The following ARFGEF3 variants were observed in gnomAD, a reference collection of about 807,000 sequenced individuals.
ARFGEF3 encodes brefeldin A-inhibited guanine nucleotide-exchange protein 3.
A neutral mutation model predicts 221.7 loss-of-function variants in ARFGEF3; 96 were observed. The observed-to-expected ratio is 0.43, with a 90% confidence interval of 0.37 to 0.51. ARFGEF3 has a LOEUF of 0.51. Ranked by LOEUF, ARFGEF3 falls within the 20% of genes least tolerant of loss-of-function variation. The pLI, the probability that ARFGEF3 is intolerant of heterozygous loss-of-function variation, is 0.00. For synonymous variants in ARFGEF3, 1,145 were observed against 1,126.8 expected (o/e 1.02, Z -0.32); for missense variants, 2,410 against 2,789.9 (o/e 0.86, Z 3.07).
chr6:138,290,487 A>G (rs2064212), intron 18 of ARFGEF3, among the ~76,000 whole-genome samples: 52,948 of 152,144 alleles, frequency 0.35, 9,878 homozygotes, highest in East Asian at 0.7. Flanking sequence ...CCAAAAATTT[A>G]GCTCTAAGCA....
At chr6:138,307,226 A>G (rs369974053) in intron 22 of ARFGEF3, 27 bp from the exon 23 acceptor site, 8 of 1,610,040 alleles carry the variant, frequency 5.0e-6, no homozygotes, top group Non-Finnish European at 6.8e-6. Flanking sequence ...AGAGGGCTTT[A>G]AGTGCCACTT....
In ARFGEF3 at chr6:138,335,136, C is replaced by T; in HGVS notation, c.6290C>T (p.Ser2097Phe). Residue 2097 changes from serine to phenylalanine, a missense_variant, in exon 33 of 34, where the codon TCC becomes TTC. Coordinates refer to ENST00000251691, the MANE Select transcript of ARFGEF3 (RefSeq NM_020340.5). Reference sequence around the variant, plus strand: ...CAGGACAAGAGGCCCCGCTCAGGCTCCACCGGGAGCTCCCTCAGTGTCTCG... The same window carrying T: ...CAGGACAAGAGGCCCCGCTCAGGCTTCACCGGGAGCTCCCTCAGTGTCTCG... ...LRQDKRPRSG[S>F]TGSSLSVSVR... The T allele has an allele frequency of 1.3e-6, 2 of 1,590,932 alleles. No homozygotes were observed. Among genetic ancestry groups the T allele is most frequent in the Non-Finnish European group, 1.7e-6 (2 of 1,171,622 alleles).
chr6:138,304,725 A>G (rs1779689781), intron 22 of ARFGEF3, among the ~76,000 whole-genome samples: 1 of 152,196 alleles, frequency 6.6e-6, no homozygotes, highest in Non-Finnish European at 1.5e-5. Flanking sequence ...ACTATAAGTG[A>G]TTTGTGAAAT....
chr6:138,309,975 G>C (rs1344373321), intron 24 of ARFGEF3, among the ~76,000 whole-genome samples: 2 of 152,190 alleles, frequency 1.3e-5, no homozygotes, highest in East Asian at 3.8e-4. Context: ...CTCTATCAGT[G>C]ATCTGGGTCT....
chr6:138,214,665 GAAAAT>G (rs1280388746), intron 4 of ARFGEF3, among the ~76,000 whole-genome samples: 1 of 152,152 alleles, frequency 6.6e-6, no homozygotes, highest in African/African-American at 2.4e-5. Context: ...TTTCTGGAAA[GAAAAT>G]AATATAGTTT....
Position 138,262,687 on chromosome 6 carries a change from T to C in ARFGEF3, c.1218-14T>C. The C allele has an allele frequency of 6.3e-6, 10 of 1,577,190 alleles. No individual in the cohort carries two copies. The highest frequency in any genetic ancestry group is 8.6e-6 in the Non-Finnish European group (10 of 1,157,080). On this transcript the variant is annotated splice_polypyrimidine_tract_variant and intron_variant, in intron 11 of 33. Transcript: ENST00000251691. ...TATGCATTTATTCCATTTTCTCTTT[T>C]GAACACTGTTTAGCATCATGGATGG...
chr6:138,209,638 C>T (rs547518798), intron 3 of ARFGEF3, among the ~76,000 whole-genome samples: 2 of 152,178 alleles, frequency 1.3e-5, no homozygotes, highest in East Asian at 1.9e-4. Context: ...TTAGTAGAAA[C>T]GGAGTTTCAC....
intron 10 of ARFGEF3, among the ~76,000 whole-genome samples, chr6:138,259,043 G>A (rs1778739500): frequency 6.6e-6 from 1 of 152,218 alleles, no homozygotes; most frequent in African/African-American, 2.4e-5. Context: ...GAATTTGATG[G>A]TAGCACCCAA....
At chr6:138,228,401 G>A (rs1211116984) in intron 4 of ARFGEF3, among the ~76,000 whole-genome samples, 1 of 150,016 alleles carries the variant, frequency 6.7e-6, no homozygotes, top group African/African-American at 2.5e-5. Flanking sequence ...TGCCCAGGCT[G>A]GTCTCGAACT....
intron 9 of ARFGEF3, among the ~76,000 whole-genome samples, 183 bp downstream of exon 9, chr6:138,254,167 C>T (rs747156259): frequency 4.6e-5 from 7 of 152,064 alleles, no homozygotes; most frequent in Admixed American, 6.6e-5. Context: ...CTGTAATCTC[C>T]GCACTTTGGG....
chr6:138,323,225 G>A (rs1012152919), intron 29 of ARFGEF3, among the ~76,000 whole-genome samples: 1 of 152,198 alleles, frequency 6.6e-6, no homozygotes, highest in East Asian at 1.9e-4. Flanking sequence ...ATACTGGATG[G>A]TTGAGAGACA....
In ARFGEF3 at chr6:138,162,170, G is replaced by A. The variant is rs772396162; in HGVS notation, c.84G>A (p.Leu28=). Residue 28 remains leucine, a splice_region_variant and synonymous_variant, in exon 1 of 34, where the codon CTG becomes CTA. Coordinates refer to ENST00000251691, the MANE Select transcript of ARFGEF3 (RefSeq NM_020340.5). This position sits in a 1 kb window ranked among gnomAD's most constrained non-coding sequence, Gnocchi z 4.7. ...TCAAGGAGAGCTGCACCTGGGCCCT[G>A]GGTAAGCGTCCGGCACCTGCTCGCC... ...KAIKESCTWA[L]ETLGGLDTIV... 5.8e-5 allele frequency: 92 copies of A among 1,597,724 alleles called. No individual in the cohort carries two copies. Among genetic ancestry groups the A allele is most frequent in the Non-Finnish European group, 1.7e-6 (2 of 1,171,560 alleles).
intron 1 of ARFGEF3, among the ~76,000 whole-genome samples, chr6:138,167,990 C>T (rs1244352824): frequency 2.0e-5 from 3 of 152,156 alleles, no homozygotes; most frequent in Non-Finnish European, 4.4e-5. Flanking sequence ...GAGAGGGGTC[C>T]TTGCTCTCTG....
chr6:138,215,663 A>T (rs1228781531), intron 4 of ARFGEF3, among the ~76,000 whole-genome samples: 1 of 150,644 alleles, frequency 6.6e-6, no homozygotes, highest in East Asian at 2.0e-4. Flanking sequence ...TGTGTAGATG[A>T]TGGAGCAGAA....
intron 1 of ARFGEF3, among the ~76,000 whole-genome samples, chr6:138,165,623 G>A (rs1044410987): frequency 6.6e-6 from 1 of 151,678 alleles, no homozygotes; most frequent in African/African-American, 2.4e-5. Context: ...GACCCTCATG[G>A]GAGAGAGGGG....
intron 13 of ARFGEF3, among the ~76,000 whole-genome samples, chr6:138,279,338 A>G (rs1445123181): frequency 1.3e-5 from 2 of 151,844 alleles, no homozygotes; most frequent in Non-Finnish European, 2.9e-5. Flanking sequence ...ACTTATAAAA[A>G]CTCTTCACCG....
At chr6:138,198,089 C>A (rs1287660877) in intron 2 of ARFGEF3, among the ~76,000 whole-genome samples, 1 of 152,044 alleles carries the variant, frequency 6.6e-6, no homozygotes, top group African/African-American at 2.4e-5. Flanking sequence ...AAATCATGGA[C>A]AATAAAAGTT....
chr6:138,301,674 T>A (rs572764351), intron 22 of ARFGEF3, among the ~76,000 whole-genome samples: 2 of 152,192 alleles, frequency 1.3e-5, no homozygotes. Flanking sequence ...AACATGGGCA[T>A]GTACAGGGGA....
At chr6:138,284,343 T>C (rs1779249111) in intron 14 of ARFGEF3, among the ~76,000 whole-genome samples, 1 of 152,086 alleles carries the variant, frequency 6.6e-6, no homozygotes, top group African/African-American at 2.4e-5. Flanking sequence ...AACCCACAAC[T>C]ACCCTCCTTT....
Sources: allele counts gnomAD v4.1 joint callset (sites outside exome capture counted in the v4.1 genomes callset), GRCh38; gene constraint gnomAD v4.1.1; non-coding constraint Gnocchi (gnomAD v3.1); transcripts MANE v1.5; gene names NCBI Gene and HGNC (gene_info 2026-07-23, HGNC 2026-07-21).